SEC16A: variants seen among roughly 807,000 people sequenced by gnomAD.
SEC16A encodes the protein protein transport protein Sec16A.
SEC16A carries 110 observed loss-of-function variants against 221.9 expected under a neutral mutation model. The ratio of observed to expected loss-of-function variants is 0.50; its 90% confidence interval spans 0.42 to 0.58. The LOEUF (loss-of-function observed/expected upper bound fraction) is 0.58, where lower values mean the gene tolerates loss of function less well. Ranked by LOEUF, SEC16A falls within the 20% of genes least tolerant of loss-of-function variation. The probability of loss-of-function intolerance (pLI) is 0.00; values close to 1 mark genes in which losing one functional copy is unlikely to be tolerated. For synonymous variants in SEC16A, 1,393 were observed against 1,257.7 expected (o/e 1.11, Z -2.28); for missense variants, 3,165 against 3,097.8 (o/e 1.02, Z -0.52).
chr9:136,455,115 G>A (rs935377271), intron 20 of SEC16A, among the ~76,000 whole-genome samples: 3 of 152,214 alleles, frequency 2.0e-5, no homozygotes, highest in African/African-American at 7.2e-5. Flanking sequence ...GCGGACCTGC[G>A]TGCAGGCCGC....
In SEC16A at chr9:136,445,632, C is replaced by T. The variant is rs750243116; in HGVS notation, c.6867+13G>A. 19 of 1,546,908 alleles carry T rather than the reference C, an allele frequency of 1.2e-5. No homozygotes were observed. Among genetic ancestry groups the T allele is most frequent in the East Asian group, 9.8e-5 (4 of 40,906 alleles). On this transcript the variant is annotated intron_variant, in intron 29 of 31. Coordinates refer to ENST00000684901, the MANE Select transcript of SEC16A (RefSeq NM_014866.2). ...CCTGGGCTGCGGGGGGCCCTGGCGT[C>T]GGCACTCCTTACCTCTCCTCCCTGG... is the stretch of plus-strand genomic sequence containing the variant.
chr9:136,476,673 G>A lies in SEC16A; in HGVS notation c.943C>T (p.Pro315Ser). Residue 315 changes from proline (P) to serine (S), a missense_variant, in exon 3 of 32, where the codon CCA becomes TCA. This residue lies in a region of SEC16A where 2,030 missense variants were observed against 1,923.1 expected (regional missense o/e 1.06). Transcript: ENST00000684901. ...ACTCCTGGATTCTGCCTGAGCTCTG[G>A]GCTTGCCCAGTGATTCACAATTCTG... ...NPRIVNHWAS[P>S]ELRQNPGVKN... 2 of 1,570,018 alleles carry A rather than the reference G, an allele frequency of 1.3e-6. No individual in the cohort carries two copies. Among genetic ancestry groups the A allele is most frequent in the Non-Finnish European group, 1.7e-6 (2 of 1,155,404 alleles).
At chr9:136,456,536 C>A (rs1369597870) in intron 18 of SEC16A, among the ~76,000 whole-genome samples, 1 of 152,158 alleles carries the variant, frequency 6.6e-6, no homozygotes, top group Non-Finnish European at 1.5e-5. Context: ...ACAGAGGGGG[C>A]AGAACACAAG....
At chr9:136,456,704 G>A (rs778249478) in intron 18 of SEC16A, among the ~76,000 whole-genome samples, 17 of 152,338 alleles carry the variant, frequency 1.1e-4, no homozygotes, top group Admixed American at 2.0e-4. Flanking sequence ...ACTGACAAGA[G>A]GTGAAGATCC....
chr9:136,476,103 G>T lies in SEC16A; in HGVS notation c.1513C>A (p.His505Asn). 2 of 1,613,658 alleles carry T rather than the reference G, an allele frequency of 1.2e-6. No homozygotes were observed. Among genetic ancestry groups the T allele is most frequent in the Non-Finnish European group, 1.7e-6 (2 of 1,179,866 alleles). The change falls in exon 3 of 32, where the codon CAC (histidine) becomes AAC (asparagine). Residue 505 changes from histidine to asparagine, a missense_variant. Physicochemically the swap from His to Asn is moderately conservative, Grantham distance 68. Coordinates refer to ENST00000684901, the MANE Select transcript of SEC16A (RefSeq NM_014866.2). ...PAVPRHGAVCHTGAPDATLHT... is the reference protein window; with the variant it reads ...PAVPRHGAVCNTGAPDATLHT... ...AGTGTGGCATCAGGGGCTCCGGTGT[G>T]GCACACAGCACCATGCCTGGGCACA...
intron 3 of SEC16A, among the ~76,000 whole-genome samples, chr9:136,473,322 G>C (rs1033523838): frequency 6.6e-6 from 1 of 152,244 alleles, no homozygotes; most frequent in Non-Finnish European, 1.5e-5. Context: ...GAACCCAATC[G>C]GTGTATGTTG....
Position 136,459,455 on chromosome 9 carries a change from T to A in SEC16A, c.5292A>T (p.Gly1764=), listed in dbSNP as rs1839172493. ...ACTTGGTTCTTTACCTGTGATTGGA[T>A]CCGATTAAGACAAGCTTTGTAGTTT... is the stretch of plus-strand genomic sequence containing the variant. ...TKKTTKLVLI[G]SNHSLPFLKF... is the part of the protein sequence containing the mutation. The change falls in exon 16 of 32, where the codon GGA becomes GGT. Residue 1764 remains glycine, a synonymous_variant. Coordinates refer to ENST00000684901, the MANE Select transcript of SEC16A (RefSeq NM_014866.2). This position sits in a 1 kb window ranked among gnomAD's most constrained non-coding sequence, Gnocchi z 6.1. 4.4e-6 allele frequency: 7 copies of A among 1,603,466 alleles called. No homozygotes were observed. Among genetic ancestry groups the A allele is most frequent in the Non-Finnish European group, 6.0e-6 (7 of 1,174,410 alleles).
At chr9:136,449,589 G>A (rs1223050290) in intron 23 of SEC16A, among the ~76,000 whole-genome samples, 1 of 152,196 alleles carries the variant, frequency 6.6e-6, no homozygotes, top group Non-Finnish European at 1.5e-5. Context: ...GCTGCGCCCG[G>A]CCTCCCAGAG....
At chr9:136,445,886 C>T (rs1430615081) in intron 28 of SEC16A, among the ~76,000 whole-genome samples, 167 bp from the exon 29 acceptor site, 1 of 152,204 alleles carries the variant, frequency 6.6e-6, no homozygotes, top group African/African-American at 2.4e-5. Flanking sequence ...GGTCCAGCCG[C>T]ACAACCCTGT....
At position 136,447,252 on chromosome 9, in the gene SEC16A, A is replaced by T; in HGVS notation, c.6672T>A (p.Pro2224=). The change falls in exon 27 of 32, where the codon CCT becomes CCA. Residue 2224 remains proline, a synonymous_variant. Transcript: ENST00000684901. This position sits in a 1 kb window ranked among gnomAD's most constrained non-coding sequence, Gnocchi z 5.5. ...FVAPLAPLPI[P]SNLFVPTPDA... is the part of the protein sequence containing the mutation. ...CTGGGGTTGGCACGAACAAGTTAGA[A>T]GGAATTGGGAGTGGCGCGAGTGGAG... 6.3e-7 allele frequency: 1 copy of T among 1,596,814 alleles called. No individual in the cohort carries two copies. Among genetic ancestry groups the T allele is most frequent in the Non-Finnish European group, 8.5e-7 (1 of 1,172,366 alleles).
intron 3 of SEC16A, 81 bp from the exon 4 acceptor site, chr9:136,472,192 T>C (rs1315275742): frequency 3.2e-6 from 5 of 1,553,974 alleles, no homozygotes; most frequent in Non-Finnish European, 3.5e-6. Flanking sequence ...CTGGAAACAT[T>C]GCAGAGGGCG....
intron 4 of SEC16A, among the ~76,000 whole-genome samples, chr9:136,468,753 C>A (rs1002017844): frequency 6.6e-6 from 1 of 152,178 alleles, no homozygotes; most frequent in Non-Finnish European, 1.5e-5. Context: ...AAGAACTGAC[C>A]CTTTTTGTGT....
Position 136,459,156 on chromosome 9 carries a change from G to T in SEC16A, c.5387C>A (p.Thr1796Asn). The T allele has an allele frequency of 5.6e-6, 9 of 1,612,090 alleles. No homozygotes were observed. Among genetic ancestry groups the T allele is most frequent in the Non-Finnish European group, 7.6e-6 (9 of 1,178,660 alleles). ...YEYAQSLGAETCPLPSFQVFK... is the reference protein window; with the variant it reads ...YEYAQSLGAENCPLPSFQVFK... ...TACCTGGAAACTAGGCAGGGGGCAG[G>T]TCTCGGCACCCAGGGACTGGGCGTA... The change falls in exon 17 of 32, where the codon ACC becomes AAC. Residue 1796 changes from threonine to asparagine, a missense_variant. Coordinates refer to ENST00000684901, the MANE Select transcript of SEC16A (RefSeq NM_014866.2). This position sits in a 1 kb window ranked among gnomAD's most constrained non-coding sequence, Gnocchi z 6.1.
chr9:136,451,967 G>T (rs1262233145), intron 22 of SEC16A, among the ~76,000 whole-genome samples: 1 of 152,164 alleles, frequency 6.6e-6, no homozygotes. Flanking sequence ...CCAGAATGCG[G>T]TCTGTATAAA....
intron 23 of SEC16A, 184 bp from the exon 24 acceptor site, chr9:136,448,345 A>G (rs761890098): frequency 4.7e-5 from 32 of 685,232 alleles, no homozygotes; most frequent in African/African-American, 2.7e-4. Flanking sequence ...GGAGGTGGGG[A>G]GCAGATCCAC....
intron 1 of SEC16A, among the ~76,000 whole-genome samples, chr9:136,479,496 G>A (rs1449021101): frequency 2.0e-5 from 3 of 152,064 alleles, no homozygotes; most frequent in Non-Finnish European, 1.5e-5. Flanking sequence ...GGGACTACAG[G>A]CACCTGCCAC....
chr9:136,460,287 T>C (rs1327943820), intron 13 of SEC16A, among the ~76,000 whole-genome samples, 164 bp from the exon 14 acceptor site: 1 of 151,732 alleles, frequency 6.6e-6, no homozygotes, highest in African/African-American at 2.4e-5. Flanking sequence ...AAACCCCATC[T>C]CTACTAAAAA....
chr9:136,448,748 G>C (rs1179623199), intron 23 of SEC16A: 19 of 703,358 alleles, frequency 2.7e-5, no homozygotes, highest in Middle Eastern at 2.3e-4. Flanking sequence ...GGATGGAGGT[G>C]GGGGGCAGAT....
chr9:136,448,931 G>GTC, intron 23 of SEC16A: 1 of 667,136 alleles, frequency 1.5e-6, no homozygotes. Context: ...CAGTTCTGGA[G>GTC]ATGGATGGTG....
Sources: gnomAD v4.1 joint callset for allele counts (sites outside exome capture counted in the v4.1 genomes callset) on GRCh38, gnomAD v4.1.1 for gene constraint, gnomAD v4.1.1 regional missense constraint, Gnocchi (gnomAD v3.1) non-coding constraint, MANE v1.5 for transcripts, NCBI Gene and HGNC (gene_info 2026-07-23, HGNC 2026-07-21) for gene names.